Variants in PAQR5 observed in about 807,000 individuals in gnomAD.
The protein encoded by PAQR5 is membrane progestin receptor gamma.
A neutral mutation model predicts 34.5 loss-of-function variants in PAQR5; 20 were observed. The observed-to-expected ratio is 0.58, with a 90% CI of 0.41 to 0.84. The LOEUF is 0.84. Ranked by LOEUF, PAQR5 falls within the 40% of genes least tolerant of loss-of-function variation. The probability of loss-of-function intolerance (pLI) is 0.00; values close to 1 mark genes in which losing one functional copy is unlikely to be tolerated. For synonymous variants in PAQR5, 131 were observed against 155.6 expected, an observed-to-expected ratio of 0.84 and a Z score of 1.18; for missense variants, 378 against 412.7, an observed-to-expected ratio of 0.92 and a Z score of 0.73.
chr15:69,370,023 G>T (rs1003425899), intron 3 of PAQR5, among the ~76,000 whole-genome samples: 4 of 152,190 alleles, frequency 2.6e-5, no homozygotes, highest in Admixed American at 2.0e-4. Context: ...TGATACACTG[G>T]CTTATGATGC....
intron 1 of PAQR5, chr15:69,314,308 C>T (rs185176888): frequency 2.2e-4 from 33 of 152,228 alleles, no homozygotes; most frequent in Non-Finnish European, 3.7e-4. Context: ...CTGCCCTTCT[C>T]CCTCCTGTCC....
intron 2 of PAQR5, among the ~76,000 whole-genome samples, chr15:69,341,287 T>C (rs1476245030): frequency 2.0e-5 from 3 of 150,886 alleles, no homozygotes; most frequent in Non-Finnish European, 3.0e-5. Context: ...TCCCTTTGTG[T>C]CTGGCTTATT....
At chr15:69,365,281 A>G (rs1374040718) in intron 3 of PAQR5, among the ~76,000 whole-genome samples, 8 of 146,672 alleles carry the variant, frequency 5.5e-5, no homozygotes, top group Admixed American at 4.2e-4. Flanking sequence ...TAATTTTTGT[A>G]TTTTTTAATA....
At chr15:69,395,294 G>A (rs552827883) in intron 6 of PAQR5, among the ~76,000 whole-genome samples, 2 of 152,354 alleles carry the variant, frequency 1.3e-5, no homozygotes, top group South Asian at 2.1e-4. Context: ...CTGAGTCTGC[G>A]CAGCCTACTG....
At chr15:69,371,812 T>A (rs1014097212) in intron 3 of PAQR5, among the ~76,000 whole-genome samples, 2 of 152,240 alleles carry the variant, frequency 1.3e-5, no homozygotes, top group Admixed American at 6.5e-5. Flanking sequence ...AACCTAGATT[T>A]TTTTGTAGGC....
intron 3 of PAQR5, among the ~76,000 whole-genome samples, chr15:69,367,051 C>T (rs767198815): frequency 6.6e-5 from 10 of 152,074 alleles, no homozygotes; most frequent in Non-Finnish European, 1.3e-4. Flanking sequence ...TTCAATCCTT[C>T]CCCATGATTA....
At chr15:69,311,605 A>G (rs1019706785) in intron 1 of PAQR5, among the ~76,000 whole-genome samples, 1 of 152,094 alleles carries the variant, frequency 6.6e-6, no homozygotes, top group Non-Finnish European at 1.5e-5. Flanking sequence ...GAGGTACCAA[A>G]TGAGTTGGGA....
intron 3 of PAQR5, among the ~76,000 whole-genome samples, chr15:69,371,429 A>G (rs2055559079): frequency 6.6e-6 from 1 of 152,160 alleles, no homozygotes; most frequent in African/African-American, 2.4e-5. Flanking sequence ...ATAGATTACC[A>G]TCTCATCGTG....
At chr15:69,360,179 G>T in intron 3 of PAQR5, 48 bp downstream of exon 3, 1 of 1,486,530 alleles carries the variant, frequency 6.7e-7, no homozygotes, top group Non-Finnish European at 9.4e-7. Context: ...GTGTGACCAG[G>T]GCTTGGCCTC....
rs550760594 is a variant in PAQR5 at position 69,404,240 on chromosome 15, A to AC, written c.*420dup. ...CAAGAGCTCTCGTAGTGGCCTGTCAACCACTTTCGGAGAATGAGCCAGGTC... is the reference window on the plus strand; with the variant it reads ...CAAGAGCTCTCGTAGTGGCCTGTCAACCCACTTTCGGAGAATGAGCCAGGTC... On this transcript the variant is annotated 3_prime_UTR_variant, in exon 9 of 9. Coordinates refer to ENST00000395407, the MANE Select transcript of PAQR5 (RefSeq NM_017705.4). The AC allele has an allele frequency of 9.9e-4, 172 of 174,476 alleles. 1 individual carries two copies. The highest frequency in any genetic ancestry group is 3.7e-3 in the Admixed American group (62 of 16,562). 10.8% of individuals were successfully genotyped at this position (174,476 alleles called of 1,614,324 possible).
Position 69,366,278 on chromosome 15 carries a change from C to A in PAQR5, c.51+6147C>A, listed in dbSNP as rs79872306. Among the ~76,000 whole-genome samples, 66 of 152,346 alleles carry A rather than the reference C, an allele frequency of 4.3e-4. 1 individual carries two copies. In the East Asian group the frequency reaches 0.013, roughly 29 times the overall value. On this transcript the variant is annotated intron_variant, in intron 3 of 8. Transcript: ENST00000395407. ...TCAAGGTTCATCTATGCTGTAGCAT[C>A]TATCAGTACTTTGTTTTAATGGCCA...
chr15:69,368,667 T>A (rs2055470079), intron 3 of PAQR5, among the ~76,000 whole-genome samples: 1 of 152,260 alleles, frequency 6.6e-6, no homozygotes, highest in Admixed American at 6.5e-5. Flanking sequence ...TTTCTTTGGA[T>A]CTTTCAGTTG....
Position 69,372,146 on chromosome 15 carries a change from A to G in PAQR5, c.52-7737A>G, listed in dbSNP as rs1047638450. Among the ~76,000 whole-genome samples the G allele has an allele frequency of 3.0e-4, 46 of 152,350 alleles. 1 individual carries two copies. The highest frequency in any genetic ancestry group is 2.8e-4 in the Non-Finnish European group (19 of 68,034). On this transcript the variant is annotated intron_variant, in intron 3 of 8. Coordinates refer to ENST00000395407, the MANE Select transcript of PAQR5 (RefSeq NM_017705.4). ...TCAATTTTAGTAAGCAATTCAAACCATGTGCTACCACACCCAGCACTAAGA... is the reference window on the plus strand; with the variant it reads ...TCAATTTTAGTAAGCAATTCAAACCGTGTGCTACCACACCCAGCACTAAGA...
At chr15:69,401,390 G>A (rs767929168) in intron 8 of PAQR5, among the ~76,000 whole-genome samples, 1 of 152,164 alleles carries the variant, frequency 6.6e-6, no homozygotes, top group Non-Finnish European at 1.5e-5. Context: ...TTCTTCTTTT[G>A]TTGTGTCAGA....
At chr15:69,341,353 C>CT (rs370642387) in intron 2 of PAQR5, among the ~76,000 whole-genome samples, 11,631 of 117,518 alleles carry the variant, frequency 0.099, 1,067 homozygotes, top group East Asian at 0.29. Flanking sequence ...AATTCTATTC[C>CT]TTTTTTTTTT....
intron 1 of PAQR5, among the ~76,000 whole-genome samples, chr15:69,313,765 G>A (rs1002981523): frequency 2.0e-5 from 3 of 152,118 alleles, no homozygotes; most frequent in African/African-American, 7.2e-5. Flanking sequence ...GTCACCCTGG[G>A]GTGGGGGGGT....
chr15:69,309,628 G>T (rs987864361), intron 1 of PAQR5, among the ~76,000 whole-genome samples: 1 of 152,082 alleles, frequency 6.6e-6, no homozygotes, highest in Non-Finnish European at 1.5e-5. Flanking sequence ...CCAGTTCCAC[G>T]CATGTGTTAG....
intron 1 of PAQR5, among the ~76,000 whole-genome samples, chr15:69,311,232 T>C (rs916875591): frequency 4.0e-5 from 6 of 151,742 alleles, no homozygotes; most frequent in Admixed American, 2.6e-4. Context: ...GACGGAGCTG[T>C]GTGCCAGGAA....
intron 3 of PAQR5, among the ~76,000 whole-genome samples, chr15:69,365,282 T>A (rs1475189139): frequency 6.6e-6 from 1 of 150,390 alleles, no homozygotes; most frequent in Non-Finnish European, 1.5e-5. Flanking sequence ...AATTTTTGTA[T>A]TTTTTAATAG....
Sources: gnomAD v4.1 joint callset for allele counts (sites outside exome capture counted in the v4.1 genomes callset) on GRCh38, gnomAD v4.1.1 for gene constraint, MANE v1.5 for transcripts, NCBI Gene and HGNC (gene_info 2026-07-23, HGNC 2026-07-21) for gene names.